PPIA: variants seen among roughly 807,000 people sequenced by gnomAD.
PPIA encodes the protein peptidylprolyl isomerase A, also known as peptidyl-prolyl cis-trans isomerase A.
In PPIA, 2 loss-of-function variants were observed where a neutral mutation model predicts 15.3. The observed-to-expected ratio is 0.13, with a 90% CI of 0.05 to 0.41. The LOEUF is 0.41. Ranked by LOEUF, PPIA falls within the 10% of genes least tolerant of loss-of-function variation. PPIA has a pLI of 0.99. For synonymous variants in PPIA, 67 were observed against 73.1 expected, an observed-to-expected ratio of 0.92 and a Z score of 0.43; for missense variants, 103 against 210.3, an observed-to-expected ratio of 0.49 and a Z score of 3.16.
Position 44,802,976 on chromosome 7 carries a change from T to TA in PPIA, c.*1555dup, listed in dbSNP as rs760284653. On this transcript the variant is annotated 3_prime_UTR_variant, in exon 5 of 5. Coordinates refer to ENST00000468812, the MANE Select transcript of PPIA (RefSeq NM_021130.5). ...ACTGTCTGGTTCCTTCTGCGTGAATTACCACCACCACCACTTGTGCATCTC... is the reference window on the plus strand; with the variant it reads ...ACTGTCTGGTTCCTTCTGCGTGAATTAACCACCACCACCACTTGTGCATCTC... The TA allele has an allele frequency of 4.6e-5, 7 of 152,184 alleles. No individual in the cohort carries two copies. Among genetic ancestry groups the TA allele is most frequent in the African/African-American group, 1.4e-4 (6 of 41,450 alleles). The allele number at this position is 152,184 out of a possible 1,614,324, so 9.4% of individuals were successfully genotyped here. A position where few individuals can be genotyped will look rare whatever the true frequency, so the allele number is the denominator to read the frequency against.
At chr7:44,800,209 C>T (rs1220205568) in intron 4 of PPIA, among the ~76,000 whole-genome samples, 2 of 151,986 alleles carry the variant, frequency 1.3e-5, no homozygotes, top group African/African-American at 2.4e-5. Context: ...CTGCCTTGGC[C>T]TCCTGAGTAG....
chr7:44,801,169 G>C (rs1219612021), intron 4 of PPIA, 118 bp from the exon 5 acceptor site: 1 of 1,180,050 alleles, frequency 8.5e-7, no homozygotes. Flanking sequence ...ATGACATTTA[G>C]TACAAAAGGC....
At position 44,801,773 on chromosome 7, in the gene PPIA, T is replaced by C. The variant is rs898988309; in HGVS notation, c.*351T>C. The C allele has an allele frequency of 1.4e-5, 3 of 210,686 alleles. No individual in the cohort carries two copies. Among genetic ancestry groups the C allele is most frequent in the African/African-American group, 7.1e-5 (3 of 42,070 alleles). The allele number at this position is 210,686 out of a possible 1,614,324, so 13.1% of individuals were successfully genotyped here. A position where few individuals can be genotyped will look rare whatever the true frequency, so the allele number is the denominator to read the frequency against. On this transcript the variant is annotated 3_prime_UTR_variant, in exon 5 of 5. Transcript: ENST00000468812. ...AGTCCCAGGAAGTGTCAATGTTTGT[T>C]GAGTGGAATATTGAAAATGTAGGCA...
At position 44,802,733 on chromosome 7, in the gene PPIA, TCTGGTCAAAGGGATA is replaced by T. The variant is rs1242597032; in HGVS notation, c.*1313_*1327del. ...AACCTGACCAATTTAAGCCATAAGA[TCTGGTCAAAGGGATA>T]CCCTTCCCACTAAGGACTTGGTTTC... On this transcript the variant is annotated 3_prime_UTR_variant, in exon 5 of 5. Transcript: ENST00000468812. 1 of 152,218 alleles carries T rather than the reference TCTGGTCAAAGGGATA, an allele frequency of 6.6e-6. No homozygotes were observed. The highest frequency in any genetic ancestry group is 1.5e-5 in the Non-Finnish European group (1 of 68,066). 9.4% of individuals were successfully genotyped at this position (152,218 alleles called of 1,614,324 possible).
intron 1 of PPIA, among the ~76,000 whole-genome samples, chr7:44,797,696 A>G (rs940077295): frequency 1.3e-5 from 2 of 152,260 alleles, no homozygotes; most frequent in Non-Finnish European, 2.9e-5. Context: ...TAATTATAGC[A>G]TAGTATCTAA....
intron 1 of PPIA, 189 bp from the exon 2 acceptor site, chr7:44,799,058 G>T: frequency 1.8e-6 from 2 of 1,111,916 alleles, no homozygotes; most frequent in East Asian, 2.8e-5. Context: ...CATGTCTTTG[G>T]GTTTCATGTT....
intron 4 of PPIA, chr7:44,800,573 GTAT>G (rs2116988439): frequency 6.5e-6 from 1 of 153,684 alleles, no homozygotes; most frequent in South Asian, 2.0e-4. Flanking sequence ...GCTAAATTGT[GTAT>G]TATTAGTAGA....
chr7:44,801,413 A>G lies in PPIA; in HGVS notation c.489A>G (p.Gln163=), dbSNP rs1792556564. 1.3e-6 allele frequency: 2 copies of G among 1,548,968 alleles called. No individual in the cohort carries two copies. The highest frequency in any genetic ancestry group is 3.4e-5 in the Admixed American group (2 of 59,654). Residue 163 remains glutamine, a synonymous_variant, in exon 5 of 5, where the codon CAA becomes CAG. Transcript: ENST00000468812. The part of the protein sequence containing the change: ...SKKITIADCG[Q]LE ...AGATCACCATTGCTGACTGTGGACAACTCGAATAAGTTTGACTTGTGTTTT... is the reference window on the plus strand; with the variant it reads ...AGATCACCATTGCTGACTGTGGACAGCTCGAATAAGTTTGACTTGTGTTTT...
intron 1 of PPIA, chr7:44,798,706 G>C (rs1419390846): frequency 1.0e-6 from 1 of 975,508 alleles, no homozygotes; most frequent in Non-Finnish European, 1.2e-6. Context: ...TTCAAAACCA[G>C]ATATACTAGA....
At chr7:44,800,124 C>G (rs1164690463) in intron 4 of PPIA, 2 of 492,202 alleles carry the variant, frequency 4.1e-6, no homozygotes, top group Admixed American at 6.8e-5. Flanking sequence ...GAGTTTTGCT[C>G]TGTTGCCAGG....
intron 1 of PPIA, among the ~76,000 whole-genome samples, chr7:44,797,042 C>T (rs1792391816): frequency 6.6e-6 from 1 of 152,154 alleles, no homozygotes; most frequent in Non-Finnish European, 1.5e-5. Flanking sequence ...GGCCCGCGTC[C>T]GCCCGCCCGC....
At chr7:44,798,675 G>A (rs1296309977) in intron 1 of PPIA, 1 of 880,188 alleles carries the variant, frequency 1.1e-6, no homozygotes, top group South Asian at 5.2e-5. Context: ...TAGCCATAAC[G>A]TATTATACAT....
Position 44,799,324 on chromosome 7 carries a change from T to C in PPIA, c.100+47T>C, listed in dbSNP as rs771520267. On this transcript the variant is annotated intron_variant, in intron 2 of 4. Transcript: ENST00000468812. ...AACAAAGATGTTCCAATTGTGACAG[T>C]TTGTGTGTGTGTGTGTATATATATA... 1.7e-5 allele frequency: 27 copies of C among 1,608,752 alleles called. No individual in the cohort carries two copies. The East Asian group carries it at 4.0e-4, about 24-fold the overall frequency.
chr7:44,800,033 T>A, intron 4 of PPIA, 159 bp downstream of exon 4: 2 of 735,010 alleles, frequency 2.7e-6, no homozygotes, highest in Non-Finnish European at 4.4e-6. Flanking sequence ...ATATAGCCAA[T>A]GTGATACAGA....
chr7:44,797,439 C>G (rs552899383), intron 1 of PPIA, among the ~76,000 whole-genome samples: 1 of 152,314 alleles, frequency 6.6e-6, no homozygotes, highest in Non-Finnish European at 1.5e-5. Context: ...CCAAACGTCC[C>G]TCCGTGTCCC....
rs1210663634 is a variant in PPIA at position 44,801,184 on chromosome 7, G to GT, written c.363-101dup. On this transcript the variant is annotated intron_variant, in intron 4 of 4. Coordinates refer to ENST00000468812, the MANE Select transcript of PPIA (RefSeq NM_021130.5). The stretch of plus-strand genomic sequence containing the variant: ...ATGACATTTAGTACAAAAGGCTTCA[G>GT]TTAAAAAAAAAAAAAAAAGCTACCT... 8.5e-6 allele frequency: 9 copies of GT among 1,057,310 alleles called. No homozygotes were observed. The African/African-American group carries it at 1.6e-4, about 19-fold the overall frequency. The allele number at this position is 1,057,310 out of a possible 1,614,324, so 65.5% of individuals were successfully genotyped here.
At chr7:44,796,861 G>C in intron 1 of PPIA, 68 bp downstream of exon 1, 1 of 1,488,802 alleles carries the variant, frequency 6.7e-7, no homozygotes, top group Non-Finnish European at 9.1e-7. Context: ...GGGTGGTAGC[G>C]CCCCAAAGGC....
At chr7:44,798,232 A>G (rs561707961) in intron 1 of PPIA, 2 of 152,414 alleles carry the variant, frequency 1.3e-5, no homozygotes, top group South Asian at 2.1e-4. Context: ...TAGAAAGACC[A>G]TACATTCTAG....
At chr7:44,799,033 G>A in intron 1 of PPIA, 1 of 1,153,848 alleles carries the variant, frequency 8.7e-7, no homozygotes, top group South Asian at 2.1e-5. Flanking sequence ...GTTATGACTA[G>A]TATTGGATTT....
Sources: allele counts gnomAD v4.1 joint callset (sites outside exome capture counted in the v4.1 genomes callset), GRCh38; gene constraint gnomAD v4.1.1; transcripts MANE v1.5; gene names NCBI Gene and HGNC (gene_info 2026-07-23, HGNC 2026-07-21).